UBR2: variants seen among roughly 807,000 people sequenced by gnomAD.
The protein encoded by UBR2 is ubiquitin protein ligase E3 component n-recognin 2, also known as E3 ubiquitin-protein ligase UBR2.
In UBR2, 92 loss-of-function variants were observed where a neutral mutation model predicts 247.9. The observed-to-expected ratio is 0.37, with a 90% confidence interval of 0.31 to 0.44. UBR2 has a LOEUF of 0.44. Among genes scored for constraint, UBR2 ranks in the 20% least tolerant of loss-of-function variants. UBR2 has a pLI of 1.00. For missense variants in UBR2, 1,613 were observed against 2,112.6 expected, an observed-to-expected ratio of 0.76 and a Z score of 4.64; for synonymous variants, 672 against 693.5, an observed-to-expected ratio of 0.97 and a Z score of 0.49.
chr6:42,614,387 T>TACGTACATACATACGTATGTATGTAC (rs1562311930), intron 8 of UBR2, among the ~76,000 whole-genome samples: 81 of 127,758 alleles, frequency 6.3e-4, no homozygotes, highest in African/African-American at 7.7e-4. Flanking sequence ...TATATATGTA[T>TACGTACATACATACGTATGTATGTAC]GTACGTACAT....
rs36075254 is a variant in UBR2, at chr6:42,687,528, T to TTTTATTTATTTATTTA, written c.4854-673_4854-658dup. On this transcript the variant is annotated intron_variant, in intron 44 of 46. Transcript: ENST00000372901. ...AGGGAGAGCTGTATGTTGTATTTTA[T>TTTTATTTATTTATTTA]TTTATTTATTTATTTATTTATTTAT... Among the ~76,000 whole-genome samples the TTTTATTTATTTATTTA allele has an allele frequency of 2.6e-3, 386 of 149,246 alleles. 3 individuals are homozygous for TTTTATTTATTTATTTA. Among genetic ancestry groups the TTTTATTTATTTATTTA allele is most frequent in the Non-Finnish European group, 4.4e-3 (294 of 67,284 alleles).
intron 4 of UBR2, among the ~76,000 whole-genome samples, chr6:42,596,498 C>T (rs560944445): frequency 6.6e-6 from 1 of 152,150 alleles, no homozygotes; most frequent in South Asian, 2.1e-4. Context: ...CCCAAAAGAA[C>T]TGAAAACCGA....
chr6:42,622,016 C>G (rs543855309), intron 11 of UBR2, among the ~76,000 whole-genome samples: 26 of 152,002 alleles, frequency 1.7e-4, no homozygotes, highest in African/African-American at 6.3e-4. Flanking sequence ...GCTTCCCACT[C>G]TTCTTTTTTT....
chr6:42,684,897 A>G (rs752090265), intron 44 of UBR2, 26 bp downstream of exon 44: 13 of 1,575,592 alleles, frequency 8.3e-6, no homozygotes, highest in Non-Finnish European at 1.1e-5. Context: ...AGCATTGAAC[A>G]TTCCCTGCCA....
rs774723642 is a variant in UBR2 at position 42,637,065 on chromosome 6, CATG to C, written c.1730_1732del (p.His577_Gly578delinsArg). 6.8e-6 allele frequency: 11 copies of C among 1,614,010 alleles called. No individual in the cohort carries two copies. Among genetic ancestry groups the C allele is most frequent in the South Asian group, 3.3e-5 (3 of 91,052 alleles). ...ATGTCTCGCTGTACTGATGCAGTGT[CATG>C]GTGGTTATACTGATGGTGAACAGCC... On this transcript the variant is annotated inframe_deletion, in exon 15 of 47. Transcript: ENST00000372901.
intron 1 of UBR2, among the ~76,000 whole-genome samples, chr6:42,569,431 G>T (rs570308810): frequency 1.3e-5 from 2 of 152,040 alleles, no homozygotes; most frequent in East Asian, 3.9e-4. Context: ...CTTTTTATGA[G>T]CTTATTGGCC....
At chr6:42,616,901 A>G (rs566337377) in intron 10 of UBR2, among the ~76,000 whole-genome samples, 1 of 152,314 alleles carries the variant, frequency 6.6e-6, no homozygotes, top group East Asian at 1.9e-4. Context: ...TATGATGCAG[A>G]AGTAATGAAA....
At position 42,594,187 on chromosome 6, in the gene UBR2, C is replaced by A; in HGVS notation, c.418-4C>A. 1 of 1,603,280 alleles carries A rather than the reference C, an allele frequency of 6.2e-7. No homozygotes were observed. ...GACAAGATACTTTACAATTTTTTTC[C>A]AAGATGACAACATCAGGAGGTGGAG... On this transcript the variant is annotated splice_region_variant and splice_polypyrimidine_tract_variant and intron_variant, in intron 3 of 46. Transcript: ENST00000372901.
chr6:42,691,236 AAAG>A lies in UBR2; in HGVS notation c.*67_*69del. ...TAACCCAGTTGGCTTTTTAAGAAAGAAAGAAGTTCTGCTGAATTTGGAAATAAA... is the reference window on the plus strand; with the variant it reads ...TAACCCAGTTGGCTTTTTAAGAAAGAAAGTTCTGCTGAATTTGGAAATAAA... On this transcript the variant is annotated 3_prime_UTR_variant, in exon 47 of 47. Coordinates refer to ENST00000372901, the MANE Select transcript of UBR2 (RefSeq NM_001363705.2). 8 of 1,576,676 alleles carry A rather than the reference AAAG, an allele frequency of 5.1e-6. No homozygotes were observed. The highest frequency in any genetic ancestry group is 6.9e-6 in the Non-Finnish European group (8 of 1,165,324).
At chr6:42,645,397 T>C (rs1005333865) in intron 20 of UBR2, 69 bp from the exon 21 acceptor site, 205 of 1,388,024 alleles carry the variant, frequency 1.5e-4, no homozygotes, top group Middle Eastern at 7.3e-4. Flanking sequence ...GCATGAATTA[T>C]AAGTATATAT....
At chr6:42,606,742 C>T in intron 7 of UBR2, 91 bp downstream of exon 7, 2 of 1,157,188 alleles carry the variant, frequency 1.7e-6, no homozygotes, top group Non-Finnish European at 2.4e-6. Context: ...TTTCTGCTTT[C>T]TCAAATGAAA....
At position 42,614,404 on chromosome 6, in the gene UBR2, GTATGTATGTACGTACGTACA is replaced by G. The variant is rs71952604; in HGVS notation, c.986-663_986-644del. On this transcript the variant is annotated intron_variant, in intron 8 of 46. Transcript: ENST00000372901. Reference sequence around the variant, plus strand: ...TATATGTATGTACGTACATACATACGTATGTATGTACGTACGTACATATATATGTATGTACGTACATATAT... The same window carrying G: ...TATATGTATGTACGTACATACATACGTATATATGTATGTACGTACATATAT... Among the ~76,000 whole-genome samples, 116 of 114,666 alleles carry G rather than the reference GTATGTATGTACGTACGTACA, an allele frequency of 1.0e-3. 28 individuals are homozygous for G. Among genetic ancestry groups the G allele is most frequent in the Non-Finnish European group, 1.2e-3 (66 of 55,926 alleles). 75.2% of individuals were successfully genotyped at this position (114,666 alleles called of 152,430 possible). A position where few individuals can be genotyped will look rare whatever the true frequency, so the allele number is the denominator to read the frequency against.
At chr6:42,587,684 A>G (rs1424243157) in intron 2 of UBR2, among the ~76,000 whole-genome samples, 4 of 152,184 alleles carry the variant, frequency 2.6e-5, no homozygotes, top group Admixed American at 2.0e-4. Context: ...CTGTTTAAAC[A>G]TGTAAAAATC....
chr6:42,678,385 AT>A, intron 40 of UBR2, among the ~76,000 whole-genome samples, 153 bp from the exon 41 acceptor site: 1 of 152,376 alleles, frequency 6.6e-6, no homozygotes, highest in Non-Finnish European at 1.5e-5. Context: ...TACACCTGGC[AT>A]CCTATAATAA....
chr6:42,601,688 C>CA (rs370998275), intron 4 of UBR2, among the ~76,000 whole-genome samples: 52,513 of 117,084 alleles, frequency 0.45, 10,844 homozygotes, highest in East Asian at 0.51. Flanking sequence ...AACTCTAGCT[C>CA]AAAAAAAAAA....
intron 2 of UBR2, among the ~76,000 whole-genome samples, chr6:42,578,719 T>G (rs952865722): frequency 6.6e-6 from 1 of 152,142 alleles, no homozygotes; most frequent in Non-Finnish European, 1.5e-5. Context: ...AGCTCTCATA[T>G]GGAAGACCTA....
At chr6:42,590,732 T>C (rs112200868) in intron 2 of UBR2, among the ~76,000 whole-genome samples, 42 of 152,212 alleles carry the variant, frequency 2.8e-4, no homozygotes, top group Admixed American at 5.2e-4. Flanking sequence ...AATGGAAAAA[T>C]CAACAATTCT....
At chr6:42,639,422 G>A (rs575398385) in intron 15 of UBR2, among the ~76,000 whole-genome samples, 8 of 152,108 alleles carry the variant, frequency 5.3e-5, no homozygotes, top group South Asian at 4.1e-4. Context: ...GCAAAACCCC[G>A]TCTCTACTAA....
In UBR2 at chr6:42,632,069, A is replaced by AAAATATAT. The variant is rs56721828; in HGVS notation, c.1282-482_1282-481insAATATATA. On this transcript the variant is annotated intron_variant, in intron 11 of 46. Coordinates refer to ENST00000372901, the MANE Select transcript of UBR2 (RefSeq NM_001363705.2). ...TATTTGCTTATTTAAAAAAAAAAAA[A>AAAATATAT]ATATATATATATATATATATATGTA... Among the ~76,000 whole-genome samples the AAAATATAT allele has an allele frequency of 2.8e-3, 322 of 114,042 alleles. 2 individuals are homozygous for AAAATATAT. The highest frequency in any genetic ancestry group is 0.011 in the African/African-American group (314 of 29,590). 74.8% of individuals were successfully genotyped at this position (114,042 alleles called of 152,430 possible). A position where few individuals can be genotyped will look rare whatever the true frequency, so the allele number is the denominator to read the frequency against.
Sources: gnomAD v4.1 joint callset for allele counts (sites outside exome capture counted in the v4.1 genomes callset) on GRCh38, gnomAD v4.1.1 for gene constraint, MANE v1.5 for transcripts, NCBI Gene and HGNC (gene_info 2026-07-23, HGNC 2026-07-21) for gene names.